Variants in GLCE observed in about 807,000 individuals in gnomAD.
The protein encoded by GLCE is D-glucuronyl C5-epimerase.
In GLCE, 19 loss-of-function variants were observed where a neutral mutation model predicts 47.9. That is an observed-to-expected ratio of 0.40 (90% CI 0.28 to 0.58). The LOEUF is 0.58. GLCE is among the 20% of genes least tolerant of loss of function. The pLI, the probability that GLCE is intolerant of heterozygous loss-of-function variation, is 0.48. For missense variants in GLCE, 556 were observed against 743.3 expected (o/e 0.75, Z 2.93); for synonymous variants, 245 against 263.4 (o/e 0.93, Z 0.68).
At chr15:69,235,093 CTTT>C (rs869212730) in intron 2 of GLCE, among the ~76,000 whole-genome samples, 6,492 of 63,262 alleles carry the variant, frequency 0.1, 449 homozygotes, top group Middle Eastern at 0.17. Context: ...GAAGATTATT[CTTT>C]TTTTTTTTTT....
chr15:69,208,471 ACT>A (rs58765274), intron 1 of GLCE, among the ~76,000 whole-genome samples: 5,643 of 151,964 alleles, frequency 0.037, 347 homozygotes, highest in African/African-American at 0.13. Flanking sequence ...ATTTGTGAAC[ACT>A]CTATTCTTTT....
At chr15:69,237,990 G>A (rs1352153493) in intron 2 of GLCE, among the ~76,000 whole-genome samples, 6 of 152,126 alleles carry the variant, frequency 3.9e-5, no homozygotes, top group African/African-American at 1.4e-4. Flanking sequence ...AGCTTTTAAA[G>A]TTAAGTGCTA....
intron 2 of GLCE, among the ~76,000 whole-genome samples, chr15:69,253,678 A>G (rs1309774642): frequency 6.6e-6 from 1 of 152,270 alleles, no homozygotes; most frequent in East Asian, 1.9e-4. Flanking sequence ...ATAGGAGGAC[A>G]CAAGTTTTTA....
chr15:69,205,526 G>T (rs2052137971), intron 1 of GLCE, among the ~76,000 whole-genome samples: 1 of 152,076 alleles, frequency 6.6e-6, no homozygotes, highest in East Asian at 1.9e-4. Context: ...GTATGGGATT[G>T]GTGGGTCATA....
chr15:69,229,376 G>C (rs1018045129), intron 2 of GLCE, among the ~76,000 whole-genome samples: 5 of 152,178 alleles, frequency 3.3e-5, no homozygotes, highest in Non-Finnish European at 7.3e-5. Context: ...CATAGCACAG[G>C]AAGAGGGAAC....
intron 2 of GLCE, among the ~76,000 whole-genome samples, chr15:69,243,759 T>G (rs2052708230): frequency 8.5e-6 from 1 of 118,078 alleles, no homozygotes; most frequent in African/African-American, 3.2e-5. Context: ...TTGCCTTTTT[T>G]TATTATTATT....
rs142133042 is a variant in GLCE at position 69,214,696 on chromosome 15, CA to C, written c.-14+4292del. 9.7e-3 allele frequency among the ~76,000 whole-genome samples: 1,484 copies of C among 152,260 alleles called. 26 individuals are homozygous for C. Among genetic ancestry groups the C allele is most frequent in the African/African-American group, 0.034 (1,424 of 41,542 alleles). On this transcript the variant is annotated intron_variant, in intron 2 of 4. Coordinates refer to ENST00000261858, the MANE Select transcript of GLCE (RefSeq NM_015554.3). ...AAATTTTAATTCATGCTGATACCTT[CA>C]ACTCCAGTTTTGCACCACAGGGATT...
intron 1 of GLCE, among the ~76,000 whole-genome samples, chr15:69,176,970 T>C (rs1450291047): frequency 1.3e-5 from 2 of 152,060 alleles, no homozygotes; most frequent in African/African-American, 4.8e-5. Context: ...GAACTATGAC[T>C]TTGAAAAAAG....
intron 2 of GLCE, among the ~76,000 whole-genome samples, chr15:69,223,400 C>T (rs1253618990): frequency 2.6e-5 from 4 of 152,096 alleles, no homozygotes; most frequent in African/African-American, 9.7e-5. Flanking sequence ...ATATGTCAAC[C>T]CACTGCCTCT....
chr15:69,230,134 G>A (rs904859819), intron 2 of GLCE, among the ~76,000 whole-genome samples: 2 of 150,900 alleles, frequency 1.3e-5, no homozygotes, highest in Non-Finnish European at 2.9e-5. Context: ...CTTGAACCCA[G>A]AAGGCAGAGG....
chr15:69,269,376 T>G lies in GLCE; in HGVS notation c.*132T>G. 1.4e-6 allele frequency: 1 copy of G among 705,086 alleles called. No individual in the cohort carries two copies. The allele number at this position is 705,086 out of a possible 1,614,324, so 43.7% of individuals were successfully genotyped here. ...TGGATTCTATCAAAGTGATAAGTGATCCTTAAAACCAGCCTTCTAAAATAA... is the reference window on the plus strand; with the variant it reads ...TGGATTCTATCAAAGTGATAAGTGAGCCTTAAAACCAGCCTTCTAAAATAA... On this transcript the variant is annotated 3_prime_UTR_variant, in exon 5 of 5. Coordinates refer to ENST00000261858, the MANE Select transcript of GLCE (RefSeq NM_015554.3).
intron 1 of GLCE, among the ~76,000 whole-genome samples, chr15:69,161,389 G>A (rs1044978861): frequency 6.6e-6 from 1 of 152,060 alleles, no homozygotes; most frequent in South Asian, 2.1e-4. Flanking sequence ...GGCCGCCTTG[G>A]GGGGTTGTTG....
At chr15:69,171,454 T>A (rs1446851134) in intron 1 of GLCE, among the ~76,000 whole-genome samples, 2 of 151,434 alleles carry the variant, frequency 1.3e-5, no homozygotes. Context: ...TGGAGTGCAA[T>A]GGCATGATCT....
chr15:69,186,682 T>A (rs1328530893), intron 1 of GLCE, among the ~76,000 whole-genome samples: 1 of 152,250 alleles, frequency 6.6e-6, no homozygotes, highest in Non-Finnish European at 1.5e-5. Context: ...AGTTAGCTAC[T>A]AGTTAGTATA....
intron 2 of GLCE, among the ~76,000 whole-genome samples, chr15:69,220,688 A>C (rs189992057): frequency 2.0e-5 from 3 of 152,270 alleles, no homozygotes; most frequent in African/African-American, 7.2e-5. Context: ...TTAATCCCTT[A>C]TCAGATACAT....
rs115308719 is a variant in GLCE, at chr15:69,220,624, C to T, written c.-14+10218C>T. Among the ~76,000 whole-genome samples, 1,125 of 152,116 alleles carry T rather than the reference C, an allele frequency of 7.4e-3. 14 individuals are homozygous for T. Among genetic ancestry groups the T allele is most frequent in the African/African-American group, 0.025 (1,027 of 41,508 alleles). On this transcript the variant is annotated intron_variant, in intron 2 of 4. Transcript: ENST00000261858. ...CAAGTTCTTTGCCCAGTTTTGAATT[C>T]GGTCGTTTGCTTTTTGTTGTTGAGT...
At chr15:69,194,435 G>A (rs1401731565) in intron 1 of GLCE, 3 of 152,092 alleles carry the variant, frequency 2.0e-5, no homozygotes, top group Non-Finnish European at 2.9e-5. Context: ...TCTCTTCTTA[G>A]AATATTAAAG....
intron 1 of GLCE, among the ~76,000 whole-genome samples, chr15:69,200,444 C>T (rs751532196): frequency 2.0e-5 from 3 of 152,074 alleles, no homozygotes; most frequent in Non-Finnish European, 4.4e-5. Flanking sequence ...TCTGTTGTGT[C>T]GTTTTATACT....
intron 4 of GLCE, among the ~76,000 whole-genome samples, chr15:69,263,104 G>A (rs2053036716): frequency 6.6e-6 from 1 of 152,124 alleles, no homozygotes; most frequent in Non-Finnish European, 1.5e-5. Flanking sequence ...CACTCAAAAA[G>A]TTTTGGATTT....
Sources: allele counts gnomAD v4.1 joint callset (sites outside exome capture counted in the v4.1 genomes callset), GRCh38; gene constraint gnomAD v4.1.1; transcripts MANE v1.5; gene names NCBI Gene and HGNC (gene_info 2026-07-23, HGNC 2026-07-21).